Variants in ZNF726 observed in about 807,000 individuals in gnomAD.
ZNF726 encodes zinc finger protein 92 pseudogene 3.
In ZNF726, 15 loss-of-function variants were observed where a neutral mutation model predicts 11.6. That is an observed-to-expected ratio of 1.29 (90% CI 0.86 to 1.99). ZNF726 has a LOEUF of 1.99. Among genes scored for constraint, ZNF726 ranks in the 30% most tolerant of loss-of-function variants. The pLI, the probability that ZNF726 is intolerant of heterozygous loss-of-function variation, is 0.00. For synonymous variants in ZNF726, 295 were observed against 243.6 expected, an observed-to-expected ratio of 1.21 and a Z score of -1.96; for missense variants, 890 against 725.6, an observed-to-expected ratio of 1.23 and a Z score of -2.60.
At chr19:23,936,414 T>A (rs1968232138), downstream of ZNF726, among the ~76,000 whole-genome samples, 1 of 152,188 alleles carries the variant, frequency 6.6e-6, no homozygotes, top group Non-Finnish European at 1.5e-5. Context: ...TACAGAATTT[T>A]AAAAAAGCAA....
At chr19:23,925,282 T>C (rs190885737) in intron 3 of ZNF726, among the ~76,000 whole-genome samples, 4 of 152,358 alleles carry the variant, frequency 2.6e-5, no homozygotes, top group Non-Finnish European at 1.5e-5. Flanking sequence ...TTTAATAATT[T>C]ATATTATTTG....
At chr19:23,940,681 A>G (rs1191828277) in intron 3 of ZNF726, among the ~76,000 whole-genome samples, 3 of 152,050 alleles carry the variant, frequency 2.0e-5, no homozygotes, top group Admixed American at 6.5e-5. Context: ...AGTGTTTTGT[A>G]GTTTTCCTTG....
At chr19:23,937,417 C>T (rs532879116), downstream of ZNF726, among the ~76,000 whole-genome samples, 43 of 151,990 alleles carry the variant, frequency 2.8e-4, no homozygotes, top group African/African-American at 9.2e-4. Flanking sequence ...AGGGGCTCCT[C>T]ACTTCTCAGA....
chr19:23,915,184 G>C (rs1209517550), intron 1 of ZNF726, among the ~76,000 whole-genome samples, 187 bp downstream of exon 1: 3 of 152,152 alleles, frequency 2.0e-5, no homozygotes, highest in African/African-American at 7.2e-5. Flanking sequence ...GGGCTCCCGG[G>C]CGTTCTGTCT....
At chr19:23,915,725 C>G (rs1967682360) in intron 1 of ZNF726, among the ~76,000 whole-genome samples, 1 of 151,900 alleles carries the variant, frequency 6.6e-6, no homozygotes, top group Admixed American at 6.6e-5. Context: ...GGACTACAGG[C>G]GCCTGCCACC....
chr19:23,941,379 G>T (rs894359404), intron 3 of ZNF726, among the ~76,000 whole-genome samples: 1 of 152,100 alleles, frequency 6.6e-6, no homozygotes, highest in Admixed American at 6.5e-5. Context: ...GATTTGGTTA[G>T]CTAGTATTTT....
intron 3 of ZNF726, chr19:23,923,798 A>G (rs1967915893): frequency 6.5e-6 from 1 of 152,672 alleles, no homozygotes; most frequent in Non-Finnish European, 1.5e-5. Context: ...ATGAGTAAAC[A>G]TTTCTGTTAT....
At chr19:23,923,530 G>C (rs1967907093) in intron 3 of ZNF726, 3 of 264,968 alleles carry the variant, frequency 1.1e-5, no homozygotes, top group African/African-American at 2.4e-5. Context: ...TCCTGCCTCA[G>C]CCTCCTGAGT....
At chr19:23,918,166 A>G (rs553773189) in intron 1 of ZNF726, among the ~76,000 whole-genome samples, 14 of 152,356 alleles carry the variant, frequency 9.2e-5, no homozygotes, top group South Asian at 4.1e-4. Flanking sequence ...GGCTCCATAC[A>G]TAAGAACTGG....
At chr19:23,919,625 G>GT in intron 2 of ZNF726, 126 bp downstream of exon 2, 1 of 1,264,970 alleles carries the variant, frequency 7.9e-7, no homozygotes, top group Non-Finnish European at 1.0e-6. Context: ...GGATTTGTCT[G>GT]TTTAGAAAAA....
At chr19:23,934,702 A>G (rs76300521), downstream of ZNF726, among the ~76,000 whole-genome samples, 4 of 152,338 alleles carry the variant, frequency 2.6e-5, no homozygotes, top group East Asian at 7.7e-4. Flanking sequence ...ACTAGGAGCC[A>G]TGTGATCTCA....
Position 23,933,851 on chromosome 19 carries a change from A to G in ZNF726, c.1735A>G (p.Asn579Asp). 4.4e-6 allele frequency: 7 copies of G among 1,595,848 alleles called. No homozygotes were observed. The highest frequency in any genetic ancestry group is 1.8e-5 in the Admixed American group (1 of 56,880). ...ECGKAFNRSS[N>D]LSTHKIIHTG... is the part of the protein sequence containing the mutation. Reference sequence around the variant, plus strand: ...TGGAAAAGCGTTTAATCGATCCTCAAATCTTAGTACGCATAAGATAATTCA... The same window carrying G: ...TGGAAAAGCGTTTAATCGATCCTCAGATCTTAGTACGCATAAGATAATTCA... The change falls in exon 4 of 4, where the codon AAT (asparagine) becomes GAT (aspartate). Residue 579 changes from asparagine to aspartate, a missense_variant. By Grantham distance (23) the Asn-to-Asp change is conservative. Coordinates refer to ENST00000594466, the MANE Select transcript of ZNF726 (RefSeq NM_001244038.2).
At chr19:23,927,582 A>G (rs1461575029) in intron 3 of ZNF726, among the ~76,000 whole-genome samples, 1 of 152,084 alleles carries the variant, frequency 6.6e-6, no homozygotes, top group Middle Eastern at 3.4e-3. Context: ...GCCTCAACCT[A>G]CTGGGCTCAA....
Position 23,934,368 on chromosome 19 carries a change from A to G in ZNF726, c.*401A>G. 1 of 527,634 alleles carries G rather than the reference A, an allele frequency of 1.9e-6. No individual in the cohort carries two copies. The highest frequency in any genetic ancestry group is 3.8e-6 in the Non-Finnish European group (1 of 261,878). 32.7% of individuals were successfully genotyped at this position (527,634 alleles called of 1,614,324 possible). A position where few individuals can be genotyped will look rare whatever the true frequency, so the allele number is the denominator to read the frequency against. ...ACTGTTACTGAACATAAAGTAATTC[A>G]TACTGAAGAGAAACCCTACAAATGT... On this transcript the variant is annotated 3_prime_UTR_variant, in exon 4 of 4. Transcript: ENST00000594466.
chr19:23,932,000 G>C (rs10410153), intron 3 of ZNF726, among the ~76,000 whole-genome samples: 72,566 of 151,970 alleles, frequency 0.48, 18,569 homozygotes, highest in African/African-American at 0.67. Context: ...AAACAGAAAT[G>C]AAGAGTTTGC....
At chr19:23,931,664 C>G (rs985127940) in intron 3 of ZNF726, among the ~76,000 whole-genome samples, 4 of 152,102 alleles carry the variant, frequency 2.6e-5, no homozygotes, top group Non-Finnish European at 4.4e-5. Flanking sequence ...ATTGTCTTGG[C>G]TCATCATTAT....
At chr19:23,931,892 C>T (rs891954011) in intron 3 of ZNF726, among the ~76,000 whole-genome samples, 2 of 152,102 alleles carry the variant, frequency 1.3e-5, no homozygotes, top group African/African-American at 4.8e-5. Flanking sequence ...CCATTTCTGT[C>T]AGCACTTTAT....
Position 23,933,033 on chromosome 19 carries a change from T to C in ZNF726, c.917T>C (p.Met306Thr). The change falls in exon 4 of 4, where the codon ATG (methionine) becomes ACG (threonine). Residue 306 changes from methionine (M) to threonine (T), a missense_variant. Coordinates refer to ENST00000594466, the MANE Select transcript of ZNF726 (RefSeq NM_001244038.2). ...QPSALTIHKR[M>T]HIGEKPYKCE... The stretch of plus-strand genomic sequence containing the variant: ...TCAGCACTAACCATACATAAGAGGA[T>C]GCACATTGGAGAGAAACCCTACAAA... 1.2e-6 allele frequency: 2 copies of C among 1,613,266 alleles called. No individual in the cohort carries two copies. Among genetic ancestry groups the C allele is most frequent in the South Asian group, 1.1e-5 (1 of 91,036 alleles).
chr19:23,915,044 T>C, intron 1 of ZNF726, 47 bp downstream of exon 1: 3 of 1,613,576 alleles, frequency 1.9e-6, no homozygotes, highest in Non-Finnish European at 2.5e-6. Flanking sequence ...CGGGGCTGGC[T>C]GGAACCGGTG....
Sources: gnomAD v4.1 joint callset for allele counts (sites outside exome capture counted in the v4.1 genomes callset) on GRCh38, gnomAD v4.1.1 for gene constraint, MANE v1.5 for transcripts, NCBI Gene and HGNC (gene_info 2026-07-23, HGNC 2026-07-21) for gene names.